The following SPATA31F1 variants were observed in gnomAD, a reference collection of about 807,000 sequenced individuals.
SPATA31F1 encodes the protein protein SPATA31F1.
chr9:34,726,847 C>T, the SPATA31F1 span: 10 of 1,551,690 alleles, frequency 6.4e-6, no homozygotes, highest in Admixed American at 2.0e-5. Context: ...CCTGCAATGG[C>T]CCCGATAAAG....
the SPATA31F1 span, chr9:34,724,746 C>A: frequency 6.4e-7 from 1 of 1,551,664 alleles, no homozygotes; most frequent in East Asian, 2.4e-5. Context: ...CACTGTTCTT[C>A]AAATGAAACC....
the SPATA31F1 span, chr9:34,724,535 A>G: frequency 1.9e-6 from 3 of 1,550,038 alleles, no homozygotes; most frequent in South Asian, 3.6e-5. Flanking sequence ...TCCCCATTGT[A>G]TCTCTAGGAC....
At chr9:34,728,168 T>A in the SPATA31F1 span, 1 of 1,252,464 alleles carries the variant, frequency 8.0e-7, no homozygotes, top group Non-Finnish European at 1.1e-6. Context: ...CCTTTGACTC[T>A]CATCAAGAAA....
chr9:34,727,903 C>T, the SPATA31F1 span: 1 of 909,010 alleles, frequency 1.1e-6, no homozygotes, highest in Non-Finnish European at 1.6e-6. Flanking sequence ...GTCCCTGCTT[C>T]CACTGTGTAT....
At chr9:34,726,817 C>A in the SPATA31F1 span, 1 of 1,551,778 alleles carries the variant, frequency 6.4e-7, no homozygotes. Flanking sequence ...ACGTAGACAG[C>A]ATCTCTAGGC....
the SPATA31F1 span, chr9:34,723,672 C>CTTGGCCTTGCAAAGT: frequency 6.4e-7 from 1 of 1,551,626 alleles, no homozygotes; most frequent in East Asian, 2.4e-5. Context: ...CCATGCAAAA[C>CTTGGCCTTGCAAAGT]TTGGCCTTGC....
chr9:34,726,547 T>C, the SPATA31F1 span: 1 of 1,551,910 alleles, frequency 6.4e-7, no homozygotes, highest in Non-Finnish European at 8.7e-7. Flanking sequence ...CCTGGTTCAG[T>C]GGAGCCCTTG....
the SPATA31F1 span, chr9:34,726,978 G>T: frequency 6.5e-7 from 1 of 1,546,618 alleles, no homozygotes; most frequent in Non-Finnish European, 8.7e-7. Context: ...TCCAGAGGAA[G>T]CCAGCCCTGG....
chr9:34,723,328 T>C, the SPATA31F1 span: 3 of 1,551,674 alleles, frequency 1.9e-6, no homozygotes, highest in Middle Eastern at 1.7e-4. Flanking sequence ...AGCCAGGTTG[T>C]CTGGAGTGTA....
the SPATA31F1 span, chr9:34,726,670 A>G: frequency 7.1e-6 from 11 of 1,551,514 alleles, no homozygotes; most frequent in African/African-American, 1.5e-4. Context: ...TGCCATCTGC[A>G]TACGTTGACT....
At chr9:34,723,227 A>G in the SPATA31F1 span, 1 of 1,550,386 alleles carries the variant, frequency 6.5e-7, no homozygotes, top group Admixed American at 2.0e-5. Context: ...GGTGAGGGTC[A>G]GGAGCTAGGT....
the SPATA31F1 span, chr9:34,724,863 AATAC>A: frequency 3.9e-6 from 6 of 1,548,616 alleles, no homozygotes; most frequent in Non-Finnish European, 4.4e-6. Context: ...AGCGCCACAT[AATAC>A]AGAGCAGGCA....
At chr9:34,723,736 A>T in the SPATA31F1 span, 1 of 1,551,694 alleles carries the variant, frequency 6.4e-7, no homozygotes, top group Non-Finnish European at 8.7e-7. Flanking sequence ...GGAAAGGCTG[A>T]CCCTGTGAAG....
chr9:34,723,343 G>A, the SPATA31F1 span: 1 of 1,551,580 alleles, frequency 6.4e-7, no homozygotes, highest in African/African-American at 1.4e-5. Flanking sequence ...AGTGTAGCCG[G>A]AGCTTATCGT....
chr9:34,728,219 G>A, the SPATA31F1 span: 1 of 710,366 alleles, frequency 1.4e-6, no homozygotes, highest in South Asian at 1.9e-5. Context: ...AGGCATGTCT[G>A]AGTACAGCAT....
the SPATA31F1 span, chr9:34,723,241 G>A: frequency 6.4e-7 from 1 of 1,551,444 alleles, no homozygotes; most frequent in Non-Finnish European, 8.7e-7. Context: ...GCTAGGTTGG[G>A]TGCCCTGGTT....
At chr9:34,729,307 C>T in the SPATA31F1 span, 2 of 1,552,004 alleles carry the variant, frequency 1.3e-6, no homozygotes, top group Admixed American at 2.0e-5. Flanking sequence ...CTTTTAGGTT[C>T]TGAACTCAAT....
chr9:34,727,704 C>T, the SPATA31F1 span, among the ~76,000 whole-genome samples: 1 of 152,208 alleles, frequency 6.6e-6, no homozygotes, highest in East Asian at 1.9e-4. Context: ...TTATTCAAAA[C>T]CCATTCTCTT....
At chr9:34,723,387 C>T in the SPATA31F1 span, 5 of 1,551,690 alleles carry the variant, frequency 3.2e-6, no homozygotes, top group Non-Finnish European at 4.4e-6. Context: ...AAGGCTGGGC[C>T]CACCAGCTTC....
Sources: allele counts gnomAD v4.1 joint callset (sites outside exome capture counted in the v4.1 genomes callset), GRCh38; gene constraint gnomAD v4.1.1; transcripts MANE v1.5; gene names NCBI Gene and HGNC (gene_info 2026-07-23, HGNC 2026-07-21).